The following CPPED1 variants were observed in gnomAD, a reference collection of about 807,000 sequenced individuals.
CPPED1 encodes calcineurin like phosphoesterase domain containing 1.
A neutral mutation model predicts 28.0 loss-of-function variants in CPPED1; 28 were observed. The observed-to-expected ratio is 1.00, with a 90% CI of 0.74 to 1.37. The LOEUF (loss-of-function observed/expected upper bound fraction) is 1.37, where lower values mean the gene tolerates loss of function less well. Among genes scored for constraint, CPPED1 ranks in the 40% most tolerant of loss-of-function variants. CPPED1 has a pLI of 0.00. For synonymous variants in CPPED1, 198 were observed against 180.2 expected, an observed-to-expected ratio of 1.10 and a Z score of -0.79; for missense variants, 504 against 416.5, an observed-to-expected ratio of 1.21 and a Z score of -1.83.
At position 12,737,212 on chromosome 16, in the gene CPPED1, T is replaced by TA. The variant is rs111326182; in HGVS notation, c.290-32164dup. ...CTCAAAAAAATAATAATAATAATAA[T>TA]AAAAAAAATCAGAGATCATTTCAAT... On this transcript the variant is annotated intron_variant, in intron 2 of 3. Transcript: ENST00000381774. Among the ~76,000 whole-genome samples, 7 of 149,348 alleles carry TA rather than the reference T, an allele frequency of 4.7e-5. No individual in the cohort carries two copies. In the Middle Eastern group the frequency reaches 0.011, roughly 234 times the overall value.
chr16:12,803,176 G>A (rs2080670973), intron 1 of CPPED1, among the ~76,000 whole-genome samples: 1 of 152,188 alleles, frequency 6.6e-6, no homozygotes, highest in African/African-American at 2.4e-5. Flanking sequence ...TACGACTCTC[G>A]AATGCCCTCC....
intron 3 of CPPED1, among the ~76,000 whole-genome samples, chr16:12,679,542 T>C (rs1425379088): frequency 1.3e-5 from 2 of 152,218 alleles, no homozygotes; most frequent in African/African-American, 2.4e-5. Flanking sequence ...ATGTTAGATA[T>C]AGATCTAAAG....
At chr16:12,773,969 C>A (rs2080483673) in intron 2 of CPPED1, among the ~76,000 whole-genome samples, 1 of 152,144 alleles carries the variant, frequency 6.6e-6, no homozygotes, top group Non-Finnish European at 1.5e-5. Flanking sequence ...AGCACAGTGG[C>A]ATCACTGGAA....
chr16:12,736,388 T>G (rs2080227010), intron 2 of CPPED1, among the ~76,000 whole-genome samples: 1 of 151,890 alleles, frequency 6.6e-6, no homozygotes, highest in Non-Finnish European at 1.5e-5. Flanking sequence ...TACAGGCACA[T>G]ACCACCATGC....
chr16:12,743,593 G>A (rs2080267361), intron 2 of CPPED1, among the ~76,000 whole-genome samples: 1 of 152,176 alleles, frequency 6.6e-6, no homozygotes, highest in African/African-American at 2.4e-5. Flanking sequence ...GGATTAACCT[G>A]TAAATACACA....
intron 2 of CPPED1, among the ~76,000 whole-genome samples, chr16:12,731,920 T>C (rs962774639): frequency 1.9e-4 from 29 of 151,050 alleles, no homozygotes; most frequent in African/African-American, 6.8e-4. Context: ...ACTAGCACTT[T>C]GGGAGGCCAA....
intron 2 of CPPED1, among the ~76,000 whole-genome samples, chr16:12,733,034 A>T (rs996412256): frequency 1.7e-4 from 26 of 152,308 alleles, no homozygotes; most frequent in African/African-American, 5.8e-4. Flanking sequence ...AAAAGCTGAG[A>T]TTGGTTATTA....
At chr16:12,791,781 G>A (rs556694999) in intron 1 of CPPED1, among the ~76,000 whole-genome samples, 3 of 152,278 alleles carry the variant, frequency 2.0e-5, no homozygotes, top group East Asian at 3.9e-4. Context: ...TCCAGGGCAG[G>A]CCCACGTTTG....
At chr16:12,711,129 C>T (rs78016574) in intron 2 of CPPED1, among the ~76,000 whole-genome samples, 5,160 of 152,242 alleles carry the variant, frequency 0.034, 132 homozygotes, top group East Asian at 0.1. Context: ...GTGGTATATC[C>T]ATACAACGAA....
intron 1 of CPPED1, among the ~76,000 whole-genome samples, chr16:12,802,529 A>C (rs1451447210): frequency 6.6e-6 from 1 of 152,184 alleles, no homozygotes; most frequent in African/African-American, 2.4e-5. Flanking sequence ...TGAACCCGGG[A>C]GGCGGAGGTT....
intron 2 of CPPED1, among the ~76,000 whole-genome samples, chr16:12,739,647 G>A (rs1486504665): frequency 6.6e-6 from 1 of 152,140 alleles, no homozygotes; most frequent in African/African-American, 2.4e-5. Flanking sequence ...GCTACGAGTA[G>A]GCTAACCTCT....
intron 2 of CPPED1, among the ~76,000 whole-genome samples, chr16:12,744,663 T>G (rs2080275834): frequency 6.6e-6 from 1 of 151,634 alleles, no homozygotes; most frequent in African/African-American, 2.4e-5. Context: ...GAGCTGGGAG[T>G]GCAGGCATCA....
At chr16:12,726,790 C>A (rs1208986976) in intron 2 of CPPED1, among the ~76,000 whole-genome samples, 1 of 151,782 alleles carries the variant, frequency 6.6e-6, no homozygotes, top group African/African-American at 2.4e-5. Flanking sequence ...GCCTGGGTGA[C>A]AGAGCAAGAC....
chr16:12,726,893 T>C (rs1421210115), intron 2 of CPPED1, among the ~76,000 whole-genome samples: 2 of 152,116 alleles, frequency 1.3e-5, no homozygotes, highest in African/African-American at 4.8e-5. Flanking sequence ...AAAATGGTGT[T>C]AGTGTACGGG....
intron 2 of CPPED1, among the ~76,000 whole-genome samples, chr16:12,721,903 TGGAG>T (rs963619044): frequency 1.3e-5 from 2 of 152,154 alleles, no homozygotes; most frequent in African/African-American, 2.4e-5. Flanking sequence ...CTCTCCGCTA[TGGAG>T]GTTGTCTAAA....
At chr16:12,789,692 ATTT>A in intron 1 of CPPED1, among the ~76,000 whole-genome samples, 1 of 151,936 alleles carries the variant, frequency 6.6e-6, no homozygotes, top group Non-Finnish European at 1.5e-5. Flanking sequence ...TGCCTGGTTA[ATTT>A]TTTGTATTTT....
rs950308697 is a variant in CPPED1, at chr16:12,694,927, G to A, written c.715+9697C>T. 6.6e-5 allele frequency among the ~76,000 whole-genome samples: 10 copies of A among 152,054 alleles called. No individual in the cohort carries two copies. The East Asian group carries it at 9.7e-4, about 15-fold the overall frequency. On this transcript the variant is annotated intron_variant, in intron 3 of 3. Transcript: ENST00000381774. ...GGAGTAGCTGTGATTACAGGTGTGC[G>A]CCACCACACCCTGCTAATTTTTATA...
intron 2 of CPPED1, among the ~76,000 whole-genome samples, chr16:12,761,914 C>G (rs534556071): frequency 2.6e-5 from 4 of 152,096 alleles, no homozygotes; most frequent in African/African-American, 9.7e-5. Context: ...ACTCGGGAGG[C>G]TGAGGCATGA....
chr16:12,723,872 C>T (rs1170114787), intron 2 of CPPED1, among the ~76,000 whole-genome samples: 1 of 152,090 alleles, frequency 6.6e-6, no homozygotes, highest in African/African-American at 2.4e-5. Flanking sequence ...CCACTGCCTC[C>T]ACCACACGGG....
Sources: gnomAD v4.1 joint callset for allele counts (sites outside exome capture counted in the v4.1 genomes callset) on GRCh38, gnomAD v4.1.1 for gene constraint, MANE v1.5 for transcripts, NCBI Gene and HGNC (gene_info 2026-07-23, HGNC 2026-07-21) for gene names.